RSF1: variants seen among roughly 807,000 people sequenced by gnomAD.
RSF1 encodes the protein HBV pX-associated protein 8.
Under a neutral mutation model 145.2 loss-of-function variants are expected in RSF1, and 13 were observed. The ratio of observed to expected loss-of-function variants is 0.09; its 90% confidence interval spans 0.06 to 0.14. The LOEUF (loss-of-function observed/expected upper bound fraction) is 0.14, where lower values mean the gene tolerates loss of function less well. Ranked by LOEUF, RSF1 falls within the 10% of genes least tolerant of loss-of-function variation. The probability of loss-of-function intolerance (pLI) is 1.00; values close to 1 mark genes in which losing one functional copy is unlikely to be tolerated. For missense variants in RSF1, 1,517 were observed against 1,718.2 expected, an observed-to-expected ratio of 0.88 and a Z score of 2.07; for synonymous variants, 577 against 592.6, an observed-to-expected ratio of 0.97 and a Z score of 0.38.
chr11:77,689,054 A>G (rs1478168917), intron 9 of RSF1, among the ~76,000 whole-genome samples: 1 of 152,258 alleles, frequency 6.6e-6, no homozygotes, highest in Non-Finnish European at 1.5e-5. Context: ...GTAAAGAAGT[A>G]GCAAATGAAG....
chr11:77,797,788 T>C (rs568844713), intron 1 of RSF1, among the ~76,000 whole-genome samples: 21 of 152,234 alleles, frequency 1.4e-4, no homozygotes, highest in Admixed American at 1.0e-3. Flanking sequence ...ATATCCAGAA[T>C]CTACAACAAA....
At chr11:77,727,005 T>G (rs896330443) in intron 4 of RSF1, among the ~76,000 whole-genome samples, 1 of 152,134 alleles carries the variant, frequency 6.6e-6, no homozygotes, top group Non-Finnish European at 1.5e-5. Context: ...AATCAGAAAT[T>G]AAAATGACAA....
At chr11:77,749,862 C>T (rs1020846995) in intron 2 of RSF1, among the ~76,000 whole-genome samples, 11 of 152,160 alleles carry the variant, frequency 7.2e-5, no homozygotes, top group Admixed American at 3.9e-4. Context: ...GATTCTCCTG[C>T]CTCAGCCTCC....
chr11:77,693,330 GA>G (rs1207256235), intron 8 of RSF1, among the ~76,000 whole-genome samples, 176 bp downstream of exon 8: 7 of 150,850 alleles, frequency 4.6e-5, no homozygotes, highest in Admixed American at 1.3e-4. Context: ...ACTGCTTTGG[GA>G]AAAAAAACAA....
intron 11 of RSF1, among the ~76,000 whole-genome samples, chr11:77,679,129 G>A (rs1428502382): frequency 6.6e-6 from 1 of 152,184 alleles, no homozygotes; most frequent in African/African-American, 2.4e-5. Flanking sequence ...TGATACAGAC[G>A]TGTTTCAATA....
intron 5 of RSF1, among the ~76,000 whole-genome samples, chr11:77,720,683 T>C (rs1187713571): frequency 6.6e-6 from 1 of 152,132 alleles, no homozygotes; most frequent in Non-Finnish European, 1.5e-5. Flanking sequence ...TAATCAGACT[T>C]TCATGGGAGT....
upstream of RSF1, chr11:77,820,857 G>A (rs1179585468): frequency 2.3e-5 from 19 of 832,726 alleles, no homozygotes; most frequent in African/African-American, 3.5e-5. Flanking sequence ...GGACGGCTCC[G>A]CGATCCCACA....
intron 7 of RSF1, among the ~76,000 whole-genome samples, chr11:77,694,564 G>A (rs1770833373): frequency 6.6e-6 from 1 of 152,144 alleles, no homozygotes; most frequent in East Asian, 1.9e-4. Flanking sequence ...AATAATTTTA[G>A]ATTTACAGAA....
intron 1 of RSF1, among the ~76,000 whole-genome samples, chr11:77,805,441 AAAAAAAG>A (rs1451761418): frequency 1.3e-5 from 2 of 152,106 alleles, no homozygotes; most frequent in Admixed American, 6.5e-5. Context: ...ACTCCATCTC[AAAAAAAG>A]AAAAAAGAAA....
chr11:77,704,527 C>T (rs945495942), intron 5 of RSF1, among the ~76,000 whole-genome samples: 4 of 152,108 alleles, frequency 2.6e-5, no homozygotes, highest in Non-Finnish European at 5.9e-5. Context: ...TGAGTAACAA[C>T]ATAGCAAAAT....
intron 5 of RSF1, among the ~76,000 whole-genome samples, chr11:77,706,240 CAAAAAAA>C (rs1286243034): frequency 1.6e-5 from 1 of 61,056 alleles, no homozygotes. Flanking sequence ...ACTCTGTCTC[CAAAAAAA>C]AAAAAAAAAA....
intron 1 of RSF1, among the ~76,000 whole-genome samples, chr11:77,777,898 T>C (rs764031654): frequency 4.6e-5 from 7 of 150,942 alleles, no homozygotes; most frequent in African/African-American, 9.8e-5. Context: ...CTTACTACTC[T>C]TCATTGTTGG....
chr11:77,834,441 G>GTT, the RSF1 span, among the ~76,000 whole-genome samples: 2,008 of 105,496 alleles, frequency 0.019, 69 homozygotes, highest in Non-Finnish European at 0.027. Context: ...AGTTGATTTT[G>GTT]TTTTTTTTTT....
chr11:77,849,094 T>C, the RSF1 span, among the ~76,000 whole-genome samples: 1 of 151,482 alleles, frequency 6.6e-6, no homozygotes, highest in Admixed American at 6.6e-5. Context: ...TGGAGTGCAA[T>C]GGCGCCATTA....
rs1329254480 is a variant in RSF1, at chr11:77,676,832, C to T, written c.3301G>A (p.Asp1101Asn). 1 of 1,614,000 alleles carries T rather than the reference C, an allele frequency of 6.2e-7. No individual in the cohort carries two copies. Among genetic ancestry groups the T allele is most frequent in the Non-Finnish European group, 8.5e-7 (1 of 1,179,922 alleles). ...LNDLDSDSNL[D>N]EEESEDEFKI... ...AATTCATCCTCGCTCTCTTCTTCAT[C>T]CAGGTTGCTATCACTGTCCAGATCA... is the stretch of plus-strand genomic sequence containing the variant. The change falls in exon 13 of 16, where the codon GAT becomes AAT. Residue 1101 changes from aspartate to asparagine, a missense_variant. Physicochemically the swap from Asp to Asn is conservative, Grantham distance 23 (BLOSUM62 1). Transcript: ENST00000308488.
intron 9 of RSF1, among the ~76,000 whole-genome samples, chr11:77,685,534 G>A (rs903485140): frequency 6.6e-6 from 1 of 152,168 alleles, no homozygotes; most frequent in Non-Finnish European, 1.5e-5. Flanking sequence ...GGCCTCAAGC[G>A]ATCCACCCAC....
the RSF1 span, among the ~76,000 whole-genome samples, chr11:77,859,199 G>A: frequency 1.3e-5 from 2 of 152,184 alleles, no homozygotes; most frequent in Admixed American, 1.3e-4. Flanking sequence ...TTGAGTACAG[G>A]GGCTTGGTTT....
intron 3 of RSF1, among the ~76,000 whole-genome samples, chr11:77,745,741 T>C (rs17825097): frequency 0.1 from 15,602 of 150,954 alleles, 1,022 homozygotes; most frequent in Non-Finnish European, 0.15. Flanking sequence ...TAACTTTTTG[T>C]TATGTATTTT....
At chr11:77,820,870 A>C, upstream of RSF1, 2 of 754,320 alleles carry the variant, frequency 2.7e-6, no homozygotes, top group Non-Finnish European at 4.2e-6. Context: ...ATCCCACAAT[A>C]CATCGGCGGC....
Sources: gnomAD v4.1 joint callset for allele counts (sites outside exome capture counted in the v4.1 genomes callset) on GRCh38, gnomAD v4.1.1 for gene constraint, MANE v1.5 for transcripts, NCBI Gene and HGNC (gene_info 2026-07-23, HGNC 2026-07-21) for gene names.